Variants in GLYATL1 observed in about 807,000 individuals in gnomAD.
GLYATL1 encodes the protein glycine N-acyltransferase-like protein 1.
A neutral mutation model predicts 20.0 loss-of-function variants in GLYATL1; 15 were observed. The observed-to-expected ratio is 0.75, with a 90% confidence interval of 0.50 to 1.15. The LOEUF is 1.15. GLYATL1 is among the 50% of genes most tolerant of loss of function. The pLI, the probability that GLYATL1 is intolerant of heterozygous loss-of-function variation, is 0.00. For synonymous variants in GLYATL1, 151 were observed against 131.5 expected (o/e 1.15, Z -1.01); for missense variants, 380 against 368.5 (o/e 1.03, Z -0.26).
intron 4 of GLYATL1, among the ~76,000 whole-genome samples, chr11:58,953,086 A>G (rs558703685): frequency 1.3e-5 from 2 of 152,350 alleles, no homozygotes; most frequent in Non-Finnish European, 2.9e-5. Context: ...TTTTTATGGA[A>G]TACTACACAG....
intron 4 of GLYATL1, among the ~76,000 whole-genome samples, chr11:58,948,232 C>T (rs962253199): frequency 4.6e-5 from 7 of 152,118 alleles, no homozygotes; most frequent in Middle Eastern, 6.3e-3. Context: ...TATGAGGTGG[C>T]AGGGGTCACC....
intron 1 of GLYATL1, among the ~76,000 whole-genome samples, chr11:58,931,101 G>A (rs1855581866): frequency 6.6e-6 from 1 of 152,168 alleles, no homozygotes; most frequent in South Asian, 2.1e-4. Context: ...TCGTTCTGGA[G>A]GTTCTAAGTC....
chr11:58,910,010 A>G (rs554414159), downstream of GLYATL1, among the ~76,000 whole-genome samples: 1 of 152,262 alleles, frequency 6.6e-6, no homozygotes, highest in East Asian at 1.9e-4. Flanking sequence ...TCTCCCAATA[A>G]TGAGTCTATC....
intron 4 of GLYATL1, among the ~76,000 whole-genome samples, chr11:58,952,286 G>T (rs183001830): frequency 9.3e-4 from 142 of 152,142 alleles, no homozygotes; most frequent in Middle Eastern, 3.4e-3. Context: ...TACACTAAAA[G>T]ACCTTCCAAT....
At position 58,947,036 on chromosome 11, in the gene GLYATL1, A is replaced by G; in HGVS notation, c.-42-10A>G. On this transcript the variant is annotated splice_polypyrimidine_tract_variant and intron_variant, in intron 2 of 6. Coordinates refer to ENST00000532726, the MANE Select transcript of GLYATL1 (RefSeq NM_001389712.2). ...CCTTAACATTTTCCCTTCATTTCTT[A>G]TCTTTTCAGAGTTTCTTCTTCAAGG... The G allele has an allele frequency of 6.2e-7, 1 of 1,601,760 alleles. No homozygotes were observed. Among genetic ancestry groups the G allele is most frequent in the Non-Finnish European group, 8.6e-7 (1 of 1,168,696 alleles).
At chr11:58,909,887 T>G (rs1298602319), downstream of GLYATL1, among the ~76,000 whole-genome samples, 9 of 152,230 alleles carry the variant, frequency 5.9e-5, no homozygotes, top group East Asian at 1.3e-3. Flanking sequence ...TTTATACAAT[T>G]TCTTCAACGG....
chr11:58,909,540 C>T (rs989465710), downstream of GLYATL1, among the ~76,000 whole-genome samples: 3 of 152,098 alleles, frequency 2.0e-5, no homozygotes, highest in Non-Finnish European at 4.4e-5. Flanking sequence ...TTCTGTATGT[C>T]TAAAACTAAT....
At chr11:58,910,154 A>AG (rs1554982584), downstream of GLYATL1, among the ~76,000 whole-genome samples, 1 of 14,738 alleles carries the variant, frequency 6.8e-5, no homozygotes, top group Non-Finnish European at 1.5e-3. Context: ...ATTTCCATAC[A>AG]TTATGGCTCC....
At chr11:58,926,507 A>G (rs1855432096), upstream of GLYATL1, among the ~76,000 whole-genome samples, 2 of 152,256 alleles carry the variant, frequency 1.3e-5, no homozygotes, top group African/African-American at 4.8e-5. Flanking sequence ...TACACAGAGT[A>G]ACCTGAGCTC....
At chr11:58,906,805 A>G (rs1371352485) in intron 1 of GLYATL1, among the ~76,000 whole-genome samples, 1 of 152,196 alleles carries the variant, frequency 6.6e-6, no homozygotes, top group Non-Finnish European at 1.5e-5. Flanking sequence ...CTGGAGTTTT[A>G]GGAAAGCATT....
At chr11:58,936,544 C>A (rs922379049), upstream of GLYATL1, among the ~76,000 whole-genome samples, 4 of 152,186 alleles carry the variant, frequency 2.6e-5, no homozygotes, top group Non-Finnish European at 5.9e-5. Flanking sequence ...TCTTTCTTAA[C>A]CACAGTTTTG....
At chr11:58,948,152 CT>C (rs1223101535) in intron 4 of GLYATL1, among the ~76,000 whole-genome samples, 187 bp downstream of exon 4, 1 of 152,146 alleles carries the variant, frequency 6.6e-6, no homozygotes, top group Non-Finnish European at 1.5e-5. Context: ...GCATAGGACC[CT>C]TCTGGGAAAG....
intron 4 of GLYATL1, among the ~76,000 whole-genome samples, chr11:58,953,719 G>A (rs1857177515): frequency 6.6e-6 from 1 of 151,902 alleles, no homozygotes; most frequent in Non-Finnish European, 1.5e-5. Flanking sequence ...TGACGTTTTG[G>A]GTTTGACCAT....
chr11:58,947,695 C>A (rs577165302), intron 3 of GLYATL1, 163 bp from the exon 4 acceptor site: 27 of 590,510 alleles, frequency 4.6e-5, no homozygotes, highest in South Asian at 3.6e-4. Context: ...GGTAACTTCA[C>A]GTCCATCAGT....
Position 58,954,970 on chromosome 11 carries a change from C to A in GLYATL1, c.313+74C>A, listed in dbSNP as rs1011462120. On this transcript the variant is annotated intron_variant, in intron 5 of 6. Transcript: ENST00000532726. ...TCTTCAACTAACAGCATTAGCATCA[C>A]CTGAGGGCTCATTAGAAATGTAAAT... 2.1e-6 allele frequency: 3 copies of A among 1,435,616 alleles called. No homozygotes were observed. In the Admixed American group the frequency reaches 6.2e-5, roughly 30 times the overall value. 88.9% of individuals were successfully genotyped at this position (1,435,616 alleles called of 1,614,324 possible). A position where few individuals can be genotyped will look rare whatever the true frequency, so the allele number is the denominator to read the frequency against.
At chr11:58,943,236 G>C in intron 1 of GLYATL1, 1 of 1,495,394 alleles carries the variant, frequency 6.7e-7, no homozygotes, top group Admixed American at 2.5e-5. Context: ...GTGTGCACCT[G>C]TAACAATACT....
intron 1 of GLYATL1, among the ~76,000 whole-genome samples, chr11:58,922,400 TCTC>T (rs928093173): frequency 6.6e-6 from 1 of 152,180 alleles, no homozygotes. Flanking sequence ...GAAGGTTTGT[TCTC>T]CTCCCTGGAT....
At chr11:58,937,891 G>T (rs935218224), upstream of GLYATL1, among the ~76,000 whole-genome samples, 7 of 152,130 alleles carry the variant, frequency 4.6e-5, no homozygotes, top group Admixed American at 3.9e-4. Flanking sequence ...AGTACACAGA[G>T]GGTGGGGCTC....
chr11:58,945,933 A>G (rs1369198108), intron 2 of GLYATL1, among the ~76,000 whole-genome samples: 2 of 152,240 alleles, frequency 1.3e-5, no homozygotes, highest in Non-Finnish European at 2.9e-5. Context: ...TTGACCCCAG[A>G]CAAGATAAAA....
Sources: allele counts gnomAD v4.1 joint callset (sites outside exome capture counted in the v4.1 genomes callset), GRCh38; gene constraint gnomAD v4.1.1; transcripts MANE v1.5; gene names NCBI Gene and HGNC (gene_info 2026-07-23, HGNC 2026-07-21).